CSMD3: variants seen among roughly 807,000 people sequenced by gnomAD.
CSMD3 encodes the protein CUB and Sushi multiple domains 3.
A neutral mutation model predicts 435.2 loss-of-function variants in CSMD3; 177 were observed. The observed-to-expected ratio is 0.41, with a 90% confidence interval of 0.36 to 0.46. CSMD3 has a LOEUF of 0.46. CSMD3 is among the 20% of genes least tolerant of loss of function. The pLI is 0.34. For synonymous variants in CSMD3, 1,656 were observed against 1,520.5 expected (o/e 1.09, Z -2.07); for missense variants, 4,265 against 4,504.6 (o/e 0.95, Z 1.52).
At chr8:112,940,659 T>G (rs2083424719) in intron 9 of CSMD3, among the ~76,000 whole-genome samples, 1 of 151,848 alleles carries the variant, frequency 6.6e-6, no homozygotes, top group Non-Finnish European at 1.5e-5. Context: ...AAAACACACC[T>G]GCTGGGACTA....
chr8:112,902,940 G>C (rs1365791555), intron 10 of CSMD3, among the ~76,000 whole-genome samples: 1 of 151,190 alleles, frequency 6.6e-6, no homozygotes, highest in Non-Finnish European at 1.5e-5. Flanking sequence ...ACAAAGCTTT[G>C]TAAGGTAGTT....
At position 112,443,408 on chromosome 8, in the gene CSMD3, T is replaced by TA. The variant is rs1335578569; in HGVS notation, c.5395+29182dup. On this transcript the variant is annotated intron_variant, in intron 32 of 70. Coordinates refer to ENST00000297405, the MANE Select transcript of CSMD3 (RefSeq NM_198123.2). ...GCTGAGAAATATGAATTTTTATAGATAAAAGACTATATTTCAACAAAATCA... is the reference window on the plus strand; with the variant it reads ...GCTGAGAAATATGAATTTTTATAGATAAAAAGACTATATTTCAACAAAATCA... Among the ~76,000 whole-genome samples, 10 of 152,266 alleles carry TA rather than the reference T, an allele frequency of 6.6e-5. No individual in the cohort carries two copies. In the East Asian group the frequency reaches 1.9e-3, roughly 29 times the overall value.
chr8:113,203,604 T>A (rs1008321953), intron 3 of CSMD3, among the ~76,000 whole-genome samples: 1 of 151,934 alleles, frequency 6.6e-6, no homozygotes, highest in Non-Finnish European at 1.5e-5. Context: ...TAATTAAATA[T>A]ATAATTAAAA....
At chr8:112,617,427 T>TG (rs1833745805) in intron 22 of CSMD3, among the ~76,000 whole-genome samples, 1 of 152,152 alleles carries the variant, frequency 6.6e-6, no homozygotes, top group Non-Finnish European at 1.5e-5. Flanking sequence ...CTTTGTAATT[T>TG]GGGGTAGATT....
chr8:112,316,397 A>G (rs1822465607), intron 47 of CSMD3, among the ~76,000 whole-genome samples: 1 of 151,804 alleles, frequency 6.6e-6, no homozygotes, highest in Non-Finnish European at 1.5e-5. Context: ...AAATAGATAA[A>G]CCTGAAGATT....
intron 32 of CSMD3, among the ~76,000 whole-genome samples, chr8:112,464,716 T>A (rs1387603497): frequency 6.6e-6 from 1 of 152,178 alleles, no homozygotes; most frequent in Non-Finnish European, 1.5e-5. Flanking sequence ...GTCTCTACAA[T>A]ATGGGTTCTA....
intron 32 of CSMD3, among the ~76,000 whole-genome samples, chr8:112,470,471 A>G (rs957834248): frequency 6.6e-6 from 1 of 152,276 alleles, no homozygotes; most frequent in African/African-American, 2.4e-5. Flanking sequence ...TATCATTGCT[A>G]CTTTAGAGAT....
chr8:112,567,715 C>T (rs1257302463), intron 24 of CSMD3, among the ~76,000 whole-genome samples: 1 of 152,026 alleles, frequency 6.6e-6, no homozygotes, highest in Non-Finnish European at 1.5e-5. Flanking sequence ...GAATAACCTA[C>T]TGGGTTTTGC....
chr8:112,283,666 C>T (rs1242758432), intron 58 of CSMD3, among the ~76,000 whole-genome samples: 1 of 151,494 alleles, frequency 6.6e-6, no homozygotes, highest in Non-Finnish European at 1.5e-5. Flanking sequence ...GTTTTCCATA[C>T]AGTTAATAAT....
At chr8:112,814,608 C>T (rs1396728069) in intron 12 of CSMD3, among the ~76,000 whole-genome samples, 1 of 152,038 alleles carries the variant, frequency 6.6e-6, no homozygotes, top group Non-Finnish European at 1.5e-5. Flanking sequence ...CATGGCAAAA[C>T]CCCATCTCTA....
intron 20 of CSMD3, among the ~76,000 whole-genome samples, chr8:112,642,618 GTAA>G (rs1254657591): frequency 1.3e-5 from 2 of 152,112 alleles, no homozygotes; most frequent in Admixed American, 6.5e-5. Context: ...CAATGTAAAT[GTAA>G]ATGAAATGTA....
intron 3 of CSMD3, among the ~76,000 whole-genome samples, chr8:113,260,732 C>T (rs1188782494): frequency 6.6e-6 from 1 of 152,004 alleles, no homozygotes; most frequent in Non-Finnish European, 1.5e-5. Context: ...AGATTTTAAG[C>T]CCCACTCCAT....
intron 4 of CSMD3, among the ~76,000 whole-genome samples, chr8:113,132,569 G>A (rs1022454630): frequency 1.3e-5 from 2 of 152,096 alleles, no homozygotes; most frequent in Non-Finnish European, 2.9e-5. Context: ...TAAGTTTCCT[G>A]AGGCTTCCCA....
At chr8:113,286,935 ATGAC>A (rs1263341886) in intron 2 of CSMD3, among the ~76,000 whole-genome samples, 1 of 151,950 alleles carries the variant, frequency 6.6e-6, no homozygotes, top group Non-Finnish European at 1.5e-5. Flanking sequence ...GGAGTAAAGA[ATGAC>A]TGATGAAGAA....
chr8:112,737,962 C>T (rs759752607), intron 13 of CSMD3, among the ~76,000 whole-genome samples: 29 of 151,776 alleles, frequency 1.9e-4, no homozygotes, highest in Non-Finnish European at 4.0e-4. Context: ...AAATCATTAC[C>T]TAAACTCATT....
At chr8:112,954,388 T>C (rs2083934972) in intron 8 of CSMD3, among the ~76,000 whole-genome samples, 1 of 151,560 alleles carries the variant, frequency 6.6e-6, no homozygotes, top group African/African-American at 2.4e-5. Context: ...CCTCACCTTC[T>C]AGAACTAAAC....
intron 13 of CSMD3, among the ~76,000 whole-genome samples, chr8:112,784,502 C>G (rs987527725): frequency 6.6e-6 from 1 of 151,262 alleles, no homozygotes; most frequent in Non-Finnish European, 1.5e-5. Context: ...CAAAAAGAAG[C>G]AAAATAAACA....
Position 112,995,102 on chromosome 8 carries a change from G to T in CSMD3, c.1031-18954C>A, listed in dbSNP as rs1480238552. The stretch of plus-strand genomic sequence containing the variant: ...GAAGAGAAACATAATAGTTAATAAG[G>T]CATAGATTTTACTTTAAGAGAGCTA... On this transcript the variant is annotated intron_variant, in intron 6 of 70. Transcript: ENST00000297405. Among the ~76,000 whole-genome samples the T allele has an allele frequency of 4.6e-5, 7 of 151,398 alleles. No homozygotes were observed. The East Asian group carries it at 7.8e-4, about 17-fold the overall frequency.
At chr8:112,703,330 AG>A (rs2076431182) in intron 13 of CSMD3, among the ~76,000 whole-genome samples, 1 of 152,260 alleles carries the variant, frequency 6.6e-6, no homozygotes, top group South Asian at 2.1e-4. Flanking sequence ...TTAGACTGGG[AG>A]GTCAGAGGAA....
Sources: allele counts gnomAD v4.1 joint callset (sites outside exome capture counted in the v4.1 genomes callset), GRCh38; gene constraint gnomAD v4.1.1; transcripts MANE v1.5; gene names NCBI Gene and HGNC (gene_info 2026-07-23, HGNC 2026-07-21).